TMEM132B: variants seen among roughly 807,000 people sequenced by gnomAD.
The protein encoded by TMEM132B is transmembrane protein 132B.
A neutral mutation model predicts 90.8 loss-of-function variants in TMEM132B; 18 were observed. That is an observed-to-expected ratio of 0.20 (90% CI 0.14 to 0.29). The LOEUF is 0.29. Ranked by LOEUF, TMEM132B falls within the 10% of genes least tolerant of loss-of-function variation. The pLI is 1.00. For synonymous variants in TMEM132B, 504 were observed against 523.3 expected (o/e 0.96, Z 0.50); for missense variants, 1,096 against 1,326.8 (o/e 0.83, Z 2.70).
intron 4 of TMEM132B, among the ~76,000 whole-genome samples, chr12:125,537,622 G>T (rs536802283): frequency 6.6e-6 from 1 of 152,328 alleles, no homozygotes; most frequent in South Asian, 2.1e-4. Flanking sequence ...CATGACAAAG[G>T]CAGAAGGGAG....
chr12:125,439,212 G>C (rs527546685), intron 3 of TMEM132B, among the ~76,000 whole-genome samples: 1 of 151,872 alleles, frequency 6.6e-6, no homozygotes, highest in Non-Finnish European at 1.5e-5. Flanking sequence ...AATGTGGTTT[G>C]ATAGGAAGAG....
At chr12:125,390,766 C>A (rs186143121) in intron 2 of TMEM132B, among the ~76,000 whole-genome samples, 1 of 152,306 alleles carries the variant, frequency 6.6e-6, no homozygotes, top group East Asian at 1.9e-4. Context: ...CCTCCAGCCC[C>A]AGTCAAGCCT....
intron 1 of TMEM132B, among the ~76,000 whole-genome samples, chr12:125,192,726 C>G (rs553419674): frequency 3.3e-5 from 5 of 152,216 alleles, no homozygotes; most frequent in Non-Finnish European, 5.9e-5. Flanking sequence ...TTTGTGGAAA[C>G]AGCAGATGTG....
At chr12:125,632,372 T>A (rs1456591903) in intron 5 of TMEM132B, among the ~76,000 whole-genome samples, 1 of 152,146 alleles carries the variant, frequency 6.6e-6, no homozygotes, top group Non-Finnish European at 1.5e-5. Flanking sequence ...ACAGTTATTA[T>A]TTTTGATTGG....
At chr12:125,600,501 A>G (rs1885543493) in intron 5 of TMEM132B, among the ~76,000 whole-genome samples, 1 of 152,202 alleles carries the variant, frequency 6.6e-6, no homozygotes, top group Admixed American at 6.5e-5. Context: ...AGTGAGACCC[A>G]TGAGGGCAGG....
At chr12:125,318,543 G>C (rs1486278604) in intron 1 of TMEM132B, among the ~76,000 whole-genome samples, 1 of 151,940 alleles carries the variant, frequency 6.6e-6, no homozygotes, top group Non-Finnish European at 1.5e-5. Flanking sequence ...AGGCCCCAGT[G>C]TGTGTTGTCC....
At chr12:125,193,114 C>T (rs1872835491) in intron 1 of TMEM132B, among the ~76,000 whole-genome samples, 2 of 152,170 alleles carry the variant, frequency 1.3e-5, no homozygotes, top group Admixed American at 6.5e-5. Context: ...GGGACACATG[C>T]AACCATCACA....
chr12:125,263,501 C>A (rs1356517485), intron 1 of TMEM132B, among the ~76,000 whole-genome samples: 1 of 152,188 alleles, frequency 6.6e-6, no homozygotes, highest in Non-Finnish European at 1.5e-5. Context: ...TTTTTGTTCC[C>A]TTCTCTATAC....
chr12:125,568,816 A>C (rs1196841977), intron 4 of TMEM132B, among the ~76,000 whole-genome samples: 1 of 152,178 alleles, frequency 6.6e-6, no homozygotes, highest in South Asian at 2.1e-4. Flanking sequence ...TTTGCCCTTT[A>C]TGTGGGTCTC....
chr12:125,466,597 T>G (rs1482588918), intron 3 of TMEM132B, among the ~76,000 whole-genome samples: 2 of 152,226 alleles, frequency 1.3e-5, no homozygotes, highest in African/African-American at 2.4e-5. Context: ...GAATTATGAA[T>G]GTTTCACAGG....
intron 5 of TMEM132B, among the ~76,000 whole-genome samples, chr12:125,620,700 G>T (rs1886095286): frequency 6.6e-6 from 1 of 152,158 alleles, no homozygotes; most frequent in Non-Finnish European, 1.5e-5. Flanking sequence ...GAAGGCCTCA[G>T]GAAACTTACA....
chr12:125,461,871 C>T (rs1318723509), intron 3 of TMEM132B, among the ~76,000 whole-genome samples: 2 of 152,220 alleles, frequency 1.3e-5, no homozygotes, highest in Non-Finnish European at 2.9e-5. Flanking sequence ...TGCTCCCTGC[C>T]TCGTCCACAA....
chr12:125,234,556 G>A (rs1873890793), intron 1 of TMEM132B, among the ~76,000 whole-genome samples: 1 of 152,186 alleles, frequency 6.6e-6, no homozygotes, highest in Admixed American at 6.5e-5. Context: ...AACGATCCAT[G>A]TTGTACCAAC....
chr12:125,520,519 G>C (rs529074216), intron 4 of TMEM132B, among the ~76,000 whole-genome samples: 1 of 141,854 alleles, frequency 7.0e-6, no homozygotes, highest in East Asian at 2.2e-4. Context: ...AGTGTCTCAA[G>C]TGCGTTGAAT....
chr12:125,339,438 C>T (rs570058228), intron 1 of TMEM132B, among the ~76,000 whole-genome samples: 2 of 152,266 alleles, frequency 1.3e-5, no homozygotes, highest in East Asian at 3.9e-4. Flanking sequence ...CTCTTGACCA[C>T]ATGTTGGCAA....
At chr12:125,234,101 G>A (rs1873880687) in intron 1 of TMEM132B, among the ~76,000 whole-genome samples, 1 of 152,224 alleles carries the variant, frequency 6.6e-6, no homozygotes, top group African/African-American at 2.4e-5. Context: ...CTGGCAGGCA[G>A]TTGGTCTTTG....
At chr12:125,310,877 G>T (rs1477355483) in intron 1 of TMEM132B, among the ~76,000 whole-genome samples, 3 of 152,212 alleles carry the variant, frequency 2.0e-5, no homozygotes, top group Non-Finnish European at 4.4e-5. Context: ...CTTGACTCAA[G>T]GCACAGGCTG....
chr12:125,334,364 C>T (rs1876886216), intron 1 of TMEM132B, among the ~76,000 whole-genome samples: 1 of 149,588 alleles, frequency 6.7e-6, no homozygotes, highest in African/African-American at 2.5e-5. Context: ...TCTACCAGAC[C>T]TCTCCCTTCG....
intron 5 of TMEM132B, among the ~76,000 whole-genome samples, chr12:125,595,004 A>G (rs1469021762): frequency 2.0e-5 from 3 of 152,134 alleles, no homozygotes; most frequent in Non-Finnish European, 4.4e-5. Flanking sequence ...TCCCATGGAC[A>G]AACAAAAGGC....
Sources: allele counts gnomAD v4.1 joint callset (sites outside exome capture counted in the v4.1 genomes callset), GRCh38; gene constraint gnomAD v4.1.1; transcripts MANE v1.5; gene names NCBI Gene and HGNC (gene_info 2026-07-23, HGNC 2026-07-21).